Variants in TMCO4 observed in about 807,000 individuals in gnomAD.
TMCO4 encodes transmembrane and coiled-coil domains 4.
Under a neutral mutation model 64.7 loss-of-function variants are expected in TMCO4, and 58 were observed. That is an observed-to-expected ratio of 0.90 (90% confidence interval 0.73 to 1.12). TMCO4 has a LOEUF of 1.12. Among genes scored for constraint, TMCO4 ranks in the 50% most tolerant of loss-of-function variants. TMCO4 has a pLI of 0.00. For synonymous variants in TMCO4, 325 were observed against 346.1 expected (o/e 0.94, Z 0.68); for missense variants, 780 against 825.9 (o/e 0.94, Z 0.68).
chr1:19,746,541 G>C lies in TMCO4; in HGVS notation c.672C>G (p.Gly224=). Residue 224 remains glycine, a synonymous_variant, in exon 9 of 16, where the codon GGC becomes GGG. Coordinates refer to ENST00000294543, the MANE Select transcript of TMCO4 (RefSeq NM_181719.7). ...LVAAGAATII[G]SAGAAALGSA... is the part of the protein sequence containing the mutation. ...AGCCCAGAGCCGCTGCCCCGGCGCT[G>C]CCAATAATCGTCGCTGCTCCAGCGG... 1 of 1,611,458 alleles carries C rather than the reference G, an allele frequency of 6.2e-7. No homozygotes were observed. The highest frequency in any genetic ancestry group is 8.5e-7 in the Non-Finnish European group (1 of 1,178,866).
intron 13 of TMCO4, among the ~76,000 whole-genome samples, chr1:19,735,042 C>T (rs1193682856): frequency 3.3e-5 from 5 of 152,152 alleles, no homozygotes; most frequent in Non-Finnish European, 7.4e-5. Context: ...GTGCACTGGG[C>T]ACTGTGCTGG....
chr1:19,745,357 G>T, intron 10 of TMCO4, 175 bp downstream of exon 10: 1 of 968,516 alleles, frequency 1.0e-6, no homozygotes, highest in Non-Finnish European at 1.5e-6. Flanking sequence ...GCGAGATGAT[G>T]GGCAGGTGGA....
intron 6 of TMCO4, among the ~76,000 whole-genome samples, chr1:19,766,923 C>A (rs77526668): frequency 0.065 from 9,877 of 152,234 alleles, 470 homozygotes; most frequent in African/African-American, 0.13. Flanking sequence ...TACCTCTGAT[C>A]TCTGGGGACC....
At chr1:19,772,497 G>A (rs113060939) in intron 4 of TMCO4, among the ~76,000 whole-genome samples, 5 of 152,296 alleles carry the variant, frequency 3.3e-5, no homozygotes, top group African/African-American at 1.2e-4. Flanking sequence ...ACACAGAGGT[G>A]GGGAGCCCAG....
intron 13 of TMCO4, among the ~76,000 whole-genome samples, chr1:19,710,668 T>G (rs2095326824): frequency 6.6e-6 from 1 of 152,178 alleles, no homozygotes; most frequent in African/African-American, 2.4e-5. Flanking sequence ...CCTCCTACTC[T>G]CCTGTCCCAC....
At chr1:19,695,210 C>T (rs1255584867) in intron 14 of TMCO4, among the ~76,000 whole-genome samples, 1 of 152,192 alleles carries the variant, frequency 6.6e-6, no homozygotes, top group Non-Finnish European at 1.5e-5. Flanking sequence ...GTGAACCTGG[C>T]CCCAGCCAAA....
intron 6 of TMCO4, among the ~76,000 whole-genome samples, chr1:19,757,029 G>A (rs1430219912): frequency 1.3e-5 from 2 of 151,938 alleles, no homozygotes; most frequent in African/African-American, 4.8e-5. Context: ...GAGGTCGGGC[G>A]CCTGTAATCC....
chr1:19,718,609 C>T (rs1325933905), intron 13 of TMCO4, among the ~76,000 whole-genome samples: 1 of 141,538 alleles, frequency 7.1e-6, no homozygotes, highest in East Asian at 2.1e-4. Context: ...TATGATGGTG[C>T]CACTGCACTC....
rs1208124071 is a variant in TMCO4, at chr1:19,694,563, T to C, written c.1383-12A>G. ...GCAGCCAGTCTCCCCTGTGGGAGGG[T>C]AGAGAAGCATGTGAACATTAGCACC... is the stretch of plus-strand genomic sequence containing the variant. On this transcript the variant is annotated splice_polypyrimidine_tract_variant and intron_variant, in intron 14 of 15. Coordinates refer to ENST00000294543, the MANE Select transcript of TMCO4 (RefSeq NM_181719.7). 6.2e-6 allele frequency: 10 copies of C among 1,612,132 alleles called. No homozygotes were observed. Among genetic ancestry groups the C allele is most frequent in the Non-Finnish European group, 8.5e-6 (10 of 1,178,628 alleles).
chr1:19,702,007 T>C (rs1022751490), intron 13 of TMCO4, among the ~76,000 whole-genome samples: 35 of 152,100 alleles, frequency 2.3e-4, no homozygotes, highest in Non-Finnish European at 5.0e-4. Context: ...TCTCGCTCTG[T>C]AGCCCAGGCT....
chr1:19,702,420 T>C (rs561674636), intron 13 of TMCO4, among the ~76,000 whole-genome samples: 28 of 151,482 alleles, frequency 1.8e-4, no homozygotes, highest in African/African-American at 6.5e-4. Flanking sequence ...GGCAAAATCC[T>C]GTCTCTACTA....
intron 15 of TMCO4, among the ~76,000 whole-genome samples, chr1:19,684,285 A>G (rs2095129974): frequency 6.6e-6 from 1 of 151,858 alleles, no homozygotes; most frequent in Non-Finnish European, 1.5e-5. Flanking sequence ...CGTGCATGCT[A>G]CCATGACTGG....
At chr1:19,791,822 G>C (rs1029388637) in intron 2 of TMCO4, among the ~76,000 whole-genome samples, 1 of 152,132 alleles carries the variant, frequency 6.6e-6, no homozygotes, top group Non-Finnish European at 1.5e-5. Flanking sequence ...TTCTTGTCCC[G>C]GGTACTGTGA....
chr1:19,716,177 A>ATTATTATTC (rs1557501606), intron 13 of TMCO4, among the ~76,000 whole-genome samples: 1 of 147,736 alleles, frequency 6.8e-6, no homozygotes, highest in South Asian at 2.1e-4. Context: ...TATTATTATT[A>ATTATTATTC]TTATTATTAA....
intron 13 of TMCO4, among the ~76,000 whole-genome samples, chr1:19,720,071 C>A (rs577405647): frequency 7.1e-6 from 1 of 140,996 alleles, no homozygotes; most frequent in Admixed American, 7.9e-5. Flanking sequence ...TCTTAAACTC[C>A]TAGGCTCAAG....
intron 4 of TMCO4, among the ~76,000 whole-genome samples, chr1:19,776,647 G>A (rs924343302): frequency 2.6e-5 from 4 of 152,190 alleles, no homozygotes; most frequent in Non-Finnish European, 1.5e-5. Flanking sequence ...CTCTTGGATG[G>A]TGTTGCCAAC....
chr1:19,718,093 G>A (rs561208073), intron 13 of TMCO4, among the ~76,000 whole-genome samples: 20 of 152,164 alleles, frequency 1.3e-4, no homozygotes, highest in African/African-American at 4.8e-4. Context: ...AGCACTTAGG[G>A]ATGCTAAGGC....
At chr1:19,777,347 C>CTT (rs35543721) in intron 4 of TMCO4, among the ~76,000 whole-genome samples, 15 of 129,336 alleles carry the variant, frequency 1.2e-4, no homozygotes, top group African/African-American at 2.1e-4. Flanking sequence ...ACCCAAAGGC[C>CTT]TTTTTTTTTT....
Position 19,739,838 on chromosome 1 carries a change from G to A in TMCO4, c.1165C>T (p.Leu389Phe). The A allele has an allele frequency of 6.2e-7, 1 of 1,613,540 alleles. No homozygotes were observed. Among genetic ancestry groups the A allele is most frequent in the African/African-American group, 1.3e-5 (1 of 75,020 alleles). The change falls in exon 12 of 16, where the codon CTC (leucine) becomes TTC (phenylalanine). Residue 389 changes from leucine (L) to phenylalanine (F), a missense_variant. Leu to Phe is a conservative substitution (Grantham distance 22, BLOSUM62 0). Coordinates refer to ENST00000294543, the MANE Select transcript of TMCO4 (RefSeq NM_181719.7). Reference protein sequence around the residue: ...EVGKHLAHILLSRQQGRRPVT... With the variant: ...EVGKHLAHILFSRQQGRRPVT... ...TTCCCAGGTACCTGCTGCCGGGAGA[G>A]CAGGATGTGGGCCAGGTGCTTGCCA...
Sources: gnomAD v4.1 joint callset for allele counts (sites outside exome capture counted in the v4.1 genomes callset) on GRCh38, gnomAD v4.1.1 for gene constraint, MANE v1.5 for transcripts, NCBI Gene and HGNC (gene_info 2026-07-23, HGNC 2026-07-21) for gene names.